Variants in MGAT1 observed in about 807,000 individuals in gnomAD.
The protein encoded by MGAT1 is alpha-1,3-mannosyl-glycoprotein 2-beta-N-acetylglucosaminyltransferase, also known as N-glycosyl-oligosaccharide-glycoprotein N-acetylglucosaminyltransferase I.
In MGAT1, 14 loss-of-function variants were observed where a neutral mutation model predicts 31.7. The observed-to-expected ratio is 0.44, with a 90% CI of 0.29 to 0.69. The LOEUF is 0.69. Among genes scored for constraint, MGAT1 ranks in the 30% least tolerant of loss-of-function variants. MGAT1 has a pLI of 0.12. For missense variants in MGAT1, 557 were observed against 626.0 expected (o/e 0.89, Z 1.18); for synonymous variants, 338 against 276.0 (o/e 1.22, Z -2.23).
intron 1 of MGAT1, among the ~76,000 whole-genome samples, chr5:180,812,072 G>C (rs764571093): frequency 6.6e-6 from 1 of 152,092 alleles, no homozygotes; most frequent in African/African-American, 2.4e-5. Flanking sequence ...TGAAATACTC[G>C]CCGGGTTTAC....
intron 1 of MGAT1, among the ~76,000 whole-genome samples, chr5:180,800,599 C>T (rs886769317): frequency 6.6e-6 from 1 of 152,194 alleles, no homozygotes; most frequent in Non-Finnish European, 1.5e-5. Flanking sequence ...GGTGAGTGTT[C>T]CAAGAAAGCG....
At chr5:180,793,819 C>G (rs1214624925) in intron 1 of MGAT1, among the ~76,000 whole-genome samples, 2 of 151,974 alleles carry the variant, frequency 1.3e-5, no homozygotes, top group East Asian at 3.9e-4. Flanking sequence ...CTTACAAAAG[C>G]CAGAGAAATG....
intron 1 of MGAT1, among the ~76,000 whole-genome samples, chr5:180,795,013 A>G (rs562968782): frequency 1.3e-5 from 2 of 152,364 alleles, no homozygotes; most frequent in East Asian, 3.8e-4. Flanking sequence ...AACTGAATAA[A>G]CCACTGACAT....
intron 1 of MGAT1, among the ~76,000 whole-genome samples, chr5:180,813,290 T>C (rs561022411): frequency 1.3e-5 from 2 of 152,218 alleles, no homozygotes; most frequent in Non-Finnish European, 2.9e-5. Flanking sequence ...TTGTTTTAAG[T>C]TTTATTCCAC....
intron 1 of MGAT1, among the ~76,000 whole-genome samples, chr5:180,798,116 C>G (rs1769896442): frequency 1.3e-5 from 2 of 152,222 alleles, no homozygotes; most frequent in African/African-American, 4.8e-5. Context: ...GAGGCATCAC[C>G]CTACGTTTTG....
chr5:180,809,596 T>G (rs1772316951), intron 1 of MGAT1: 1 of 151,888 alleles, frequency 6.6e-6, no homozygotes, highest in East Asian at 1.9e-4. Flanking sequence ...AAGCTCCCCC[T>G]CTGCTTGCAA....
rs528893463 is a variant in MGAT1, at chr5:180,794,411, T to TTTTTTATATATATATATA, written c.-126-1315_-126-1314insTATATATATATATAAAAA. On this transcript the variant is annotated intron_variant, in intron 1 of 1. Transcript: ENST00000307826. ...TCTGTCTCAAAAAAATTTTTTTTTA[T>TTTTTTATATATATATATA]TATATATATATATATATGGCATACT... Among the ~76,000 whole-genome samples the TTTTTTATATATATATATA allele has an allele frequency of 8.9e-4, 126 of 142,032 alleles. 1 individual carries two copies. The highest frequency in any genetic ancestry group is 3.0e-3 in the African/African-American group (107 of 35,522). The allele number at this position is 142,032 out of a possible 152,430, so 93.2% of individuals were successfully genotyped here.
chr5:180,807,149 G>T (rs568378521), upstream of MGAT1, among the ~76,000 whole-genome samples: 36 of 152,292 alleles, frequency 2.4e-4, 1 homozygote, highest in South Asian at 7.5e-3. Flanking sequence ...GGAAAGTAAG[G>T]CATAAGTACA....
Position 180,792,695 on chromosome 5 carries a change from C to A in MGAT1, c.277G>T (p.Ala93Ser), listed in dbSNP as rs201350610. The A allele has an allele frequency of 6.4e-7, 1 of 1,554,296 alleles. No individual in the cohort carries two copies. The highest frequency in any genetic ancestry group is 8.7e-7 in the Non-Finnish European group (1 of 1,151,890). ...GGGGTCACAGGCACACGCGGCTGGG[C>A]GGGAGGGGCCGCGGTGGGCACCCTC... ...RGRVPTAAPP[A>S]QPRVPVTPAP... Residue 93 changes from alanine to serine, a missense_variant, in exon 2 of 2, where the codon GCC (alanine) becomes TCC (serine). This residue lies in a region of MGAT1 where 167 missense variants were observed against 149.8 expected (regional missense o/e 1.11). Transcript: ENST00000307826.
Position 180,791,457 on chromosome 5 carries a change from T to G in MGAT1, c.*177A>C. On this transcript the variant is annotated 3_prime_UTR_variant, in exon 2 of 2. Coordinates refer to ENST00000307826, the MANE Select transcript of MGAT1 (RefSeq NM_002406.4). ...AATAGTTCCCCTGATCTGACTCCCT[T>G]GAGAACGGGAGAATAATCCTCTTGT... 1 of 782,176 alleles carries G rather than the reference T, an allele frequency of 1.3e-6. No individual in the cohort carries two copies. Among genetic ancestry groups the G allele is most frequent in the Non-Finnish European group, 2.0e-6 (1 of 489,984 alleles). 48.5% of individuals were successfully genotyped at this position (782,176 alleles called of 1,614,324 possible).
intron 1 of MGAT1, among the ~76,000 whole-genome samples, chr5:180,813,088 AT>A (rs11307197): frequency 0.11 from 15,925 of 144,136 alleles, 939 homozygotes; most frequent in African/African-American, 0.17. Flanking sequence ...TGTGCACGTC[AT>A]TTTTTTTTTT....
chr5:180,793,152 C>A, intron 1 of MGAT1, 55 bp from the exon 2 acceptor site: 2 of 735,908 alleles, frequency 2.7e-6, no homozygotes, highest in South Asian at 3.8e-5. Flanking sequence ...GGCTCCATGC[C>A]CCACAGGTAG....
rs1252758591 is a variant in MGAT1 at position 180,792,048 on chromosome 5, G to T, written c.924C>A (p.Ile308=). ...TGCGGCCAAAGGTCATCGTTCTTGA[G>T]ATCTCAGGGCGTATGCAGGCCCGCC... ...RQGRACIRPE[I]SRTMTFGRKG... Residue 308 remains isoleucine, a synonymous_variant, in exon 2 of 2, where the codon ATC becomes ATA. Transcript: ENST00000307826. 6.2e-6 allele frequency: 10 copies of T among 1,613,734 alleles called. No homozygotes were observed. The highest frequency in any genetic ancestry group is 8.5e-6 in the Non-Finnish European group (10 of 1,180,028).
chr5:180,806,458 G>A (rs1257330249), upstream of MGAT1, among the ~76,000 whole-genome samples: 4 of 152,220 alleles, frequency 2.6e-5, no homozygotes, highest in African/African-American at 4.8e-5. Context: ...GGGTGGGAAG[G>A]TCAGGGAGAG....
Position 180,792,080 on chromosome 5 carries a change from G to A in MGAT1, c.892C>T (p.Arg298Trp). 1.2e-6 allele frequency: 2 copies of A among 1,612,782 alleles called. No homozygotes were observed. Among genetic ancestry groups the A allele is most frequent in the Non-Finnish European group, 1.7e-6 (2 of 1,179,858 alleles). ...WDDWMRRPEQ[R>W]QGRACIRPEI... ...GGGCGTATGCAGGCCCGCCCCTGCC[G>A]CTGCTCCGGCCGCCGCATCCAGTCG... The change falls in exon 2 of 2, where the codon CGG (arginine) becomes TGG (tryptophan). Residue 298 changes from arginine to tryptophan, a missense_variant. By Grantham distance (101) the Arg-to-Trp change is moderately radical. Around this residue, in one of 3 missense-constraint regions of MGAT1, gnomAD observed 245 missense variants for 332.9 expected, o/e 0.74. Transcript: ENST00000307826.
chr5:180,799,999 C>G (rs139970725), intron 1 of MGAT1, among the ~76,000 whole-genome samples: 1 of 152,176 alleles, frequency 6.6e-6, no homozygotes. Context: ...AGGAGACAGC[C>G]CTCCAGATTA....
rs1186374813 is a variant in MGAT1, at chr5:180,788,718, C to T, written c.*2916G>A. ...AAGTAAGTTGGTACTTATCCTGGAG[C>T]ACTAAGTAAGTTGGTACTTATCCTG... is the stretch of plus-strand genomic sequence containing the variant. On this transcript the variant is annotated 3_prime_UTR_variant, in exon 2 of 2. Coordinates refer to ENST00000307826, the MANE Select transcript of MGAT1 (RefSeq NM_002406.4). 4 of 139,682 alleles carry T rather than the reference C, an allele frequency of 2.9e-5. No homozygotes were observed. The highest frequency in any genetic ancestry group is 6.3e-5 in the Non-Finnish European group (4 of 63,922). 8.7% of individuals were successfully genotyped at this position (139,682 alleles called of 1,614,324 possible). A position where few individuals can be genotyped will look rare whatever the true frequency, so the allele number is the denominator to read the frequency against.
Position 180,792,097 on chromosome 5 carries a change from A to C in MGAT1, c.875T>G (p.Met292Arg). ...CCCCTGCCGCTGCTCCGGCCGCCGC[A>C]TCCAGTCGTCCCAGAAGGCCTTTGG... ...KWPKAFWDDW[M>R]RRPEQRQGRA... The change falls in exon 2 of 2, where the codon ATG (methionine) becomes AGG (arginine). Residue 292 changes from methionine to arginine, a missense_variant. Transcript: ENST00000307826. 6.2e-7 allele frequency: 1 copy of C among 1,613,274 alleles called. No homozygotes were observed. Among genetic ancestry groups the C allele is most frequent in the Non-Finnish European group, 8.5e-7 (1 of 1,179,890 alleles).
At chr5:180,805,101 A>G (rs1484864457), upstream of MGAT1, among the ~76,000 whole-genome samples, 1 of 152,128 alleles carries the variant, frequency 6.6e-6, no homozygotes, top group Non-Finnish European at 1.5e-5. Flanking sequence ...CTCTTGATAG[A>G]GGTTACATGG....
Sources: allele counts gnomAD v4.1 joint callset (sites outside exome capture counted in the v4.1 genomes callset), GRCh38; gene constraint gnomAD v4.1.1; regional missense constraint gnomAD v4.1.1; transcripts MANE v1.5; gene names NCBI Gene and HGNC (gene_info 2026-07-23, HGNC 2026-07-21).